The following GLG1 variants were observed in gnomAD, a reference collection of about 807,000 sequenced individuals.
GLG1 encodes the protein golgi glycoprotein 1.
In GLG1, 38 loss-of-function variants were observed where a neutral mutation model predicts 160.5. The observed-to-expected ratio is 0.24, with a 90% CI of 0.18 to 0.31. The LOEUF is 0.31. Ranked by LOEUF, GLG1 falls within the 10% of genes least tolerant of loss-of-function variation. The probability of loss-of-function intolerance (pLI) is 1.00; values close to 1 mark genes in which losing one functional copy is unlikely to be tolerated. For synonymous variants in GLG1, 644 were observed against 543.4 expected, an observed-to-expected ratio of 1.19 and a Z score of -2.57; for missense variants, 1,373 against 1,505.2, an observed-to-expected ratio of 0.91 and a Z score of 1.45.
chr16:74,590,947 T>TA (rs369425701), intron 1 of GLG1, among the ~76,000 whole-genome samples: 21,513 of 145,124 alleles, frequency 0.15, 1,728 homozygotes, highest in Non-Finnish European at 0.2. Flanking sequence ...CCTTTCTTGT[T>TA]AAAAAAAAAA....
At chr16:74,480,167 CAGA>C in intron 11 of GLG1, 71 bp downstream of exon 11, 3 of 1,235,602 alleles carry the variant, frequency 2.4e-6, no homozygotes, top group Non-Finnish European at 2.4e-6. Flanking sequence ...TGACTGAAAT[CAGA>C]AGAATATACA....
At position 74,452,324 on chromosome 16, in the gene GLG1, G is replaced by A; in HGVS notation, c.*843C>T. Reference sequence around the variant, plus strand: ...TCCTGTGCTGCCCTGGAGGAGGAAGGTTCCTGGGATCCTGCTGCCCCGGGA... The same window carrying A: ...TCCTGTGCTGCCCTGGAGGAGGAAGATTCCTGGGATCCTGCTGCCCCGGGA... On this transcript the variant is annotated 3_prime_UTR_variant, in exon 26 of 26. Transcript: ENST00000422840. 7.1e-7 allele frequency: 1 copy of A among 1,398,926 alleles called. No individual in the cohort carries two copies. The highest frequency in any genetic ancestry group is 9.3e-7 in the Non-Finnish European group (1 of 1,076,342). 86.7% of individuals were successfully genotyped at this position (1,398,926 alleles called of 1,614,324 possible).
At chr16:74,526,807 G>C (rs1341108186) in intron 2 of GLG1, among the ~76,000 whole-genome samples, 1 of 152,190 alleles carries the variant, frequency 6.6e-6, no homozygotes, top group Non-Finnish European at 1.5e-5. Flanking sequence ...AAGAGGAACA[G>C]AAGATGCTAC....
chr16:74,571,629 G>A (rs1050374023), intron 1 of GLG1, among the ~76,000 whole-genome samples: 2 of 150,144 alleles, frequency 1.3e-5, no homozygotes, highest in South Asian at 4.2e-4. Context: ...ACTCCAGCCT[G>A]GGCAACAGAG....
intron 2 of GLG1, among the ~76,000 whole-genome samples, chr16:74,525,391 T>TAAAGAGAC (rs891481837): frequency 6.6e-6 from 1 of 152,182 alleles, no homozygotes; most frequent in African/African-American, 2.4e-5. Flanking sequence ...GTTTGCTTTT[T>TAAAGAGAC]AAAGAGACAG....
At position 74,448,308 on chromosome 16, in the gene GLG1, C is replaced by G. The variant is rs1184026350; in HGVS notation, c.*4859G>C. ...CCCCACGCCCTCTAGGAACCAAAGTCTAGTGGAGAGGAGGCGAGTGGGGAG... is the reference window on the plus strand; with the variant it reads ...CCCCACGCCCTCTAGGAACCAAAGTGTAGTGGAGAGGAGGCGAGTGGGGAG... On this transcript the variant is annotated 3_prime_UTR_variant, in exon 26 of 26. Coordinates refer to ENST00000422840, the MANE Select transcript of GLG1 (RefSeq NM_001145667.2). 1 of 152,210 alleles carries G rather than the reference C, an allele frequency of 6.6e-6. No homozygotes were observed. The highest frequency in any genetic ancestry group is 6.6e-5 in the Admixed American group (1 of 15,262). 9.4% of individuals were successfully genotyped at this position (152,210 alleles called of 1,614,324 possible). A position where few individuals can be genotyped will look rare whatever the true frequency, so the allele number is the denominator to read the frequency against.
At chr16:74,577,700 A>G (rs2019043778) in intron 1 of GLG1, among the ~76,000 whole-genome samples, 1 of 151,976 alleles carries the variant, frequency 6.6e-6, no homozygotes, top group Non-Finnish European at 1.5e-5. Flanking sequence ...TGCAAGCTTG[A>G]TCTCTTGAGC....
intron 1 of GLG1, among the ~76,000 whole-genome samples, chr16:74,572,125 G>A (rs950025813): frequency 2.0e-5 from 3 of 152,156 alleles, no homozygotes; most frequent in Admixed American, 6.5e-5. Context: ...GGGACTTTCA[G>A]GCCCACCCCC....
At position 74,590,649 on chromosome 16, in the gene GLG1, C is replaced by G. The variant is rs534617302; in HGVS notation, c.438+16008G>C. Among the ~76,000 whole-genome samples, 7 of 147,894 alleles carry G rather than the reference C, an allele frequency of 4.7e-5. No homozygotes were observed. The East Asian group carries it at 1.4e-3, about 29-fold the overall frequency. On this transcript the variant is annotated intron_variant, in intron 1 of 25. Transcript: ENST00000422840. ...AAAAAAAAAAAAAAAAAGAAATTAG[C>G]CGGGCGTGGTGACACCACATGCTTG...
At chr16:74,511,071 A>G (rs1315720626) in intron 2 of GLG1, among the ~76,000 whole-genome samples, 1 of 152,222 alleles carries the variant, frequency 6.6e-6, no homozygotes, top group Non-Finnish European at 1.5e-5. Context: ...AGGAGCCTCA[A>G]GCCAGGCCAG....
chr16:74,457,594 AACTTC>A (rs1266618419), intron 24 of GLG1, among the ~76,000 whole-genome samples: 2 of 152,134 alleles, frequency 1.3e-5, no homozygotes, highest in East Asian at 1.9e-4. Flanking sequence ...TGATGACTTT[AACTTC>A]TGCTTCCCTA....
chr16:74,479,219 C>G (rs1394091770), intron 11 of GLG1, among the ~76,000 whole-genome samples: 2 of 118,306 alleles, frequency 1.7e-5, no homozygotes, highest in Non-Finnish European at 3.3e-5. Flanking sequence ...GAGACACATT[C>G]AAGAGTGAGG....
intron 1 of GLG1, among the ~76,000 whole-genome samples, chr16:74,541,918 A>G (rs1230360728): frequency 6.6e-6 from 1 of 151,472 alleles, no homozygotes; most frequent in African/African-American, 2.4e-5. Context: ...ATATACACAG[A>G]CACCTCAGAA....
At chr16:74,528,770 C>T (rs1371649037) in intron 2 of GLG1, among the ~76,000 whole-genome samples, 1 of 127,194 alleles carries the variant, frequency 7.9e-6, no homozygotes, top group East Asian at 2.3e-4. Context: ...CGAGATCACA[C>T]CATTGCACTG....
rs1443539967 is a variant in GLG1 at position 74,452,205 on chromosome 16, A to C, written c.*962T>G. 5 of 1,543,020 alleles carry C rather than the reference A, an allele frequency of 3.2e-6. No homozygotes were observed. Among genetic ancestry groups the C allele is most frequent in the African/African-American group, 1.4e-5 (1 of 73,164 alleles). Reference sequence around the variant, plus strand: ...CCCACTGCTCCCCACACCCATCTTCAAGGACCCCTCCCGCCACAGTCCTGC... The same window carrying C: ...CCCACTGCTCCCCACACCCATCTTCCAGGACCCCTCCCGCCACAGTCCTGC... On this transcript the variant is annotated 3_prime_UTR_variant, in exon 26 of 26. Transcript: ENST00000422840.
chr16:74,467,658 T>A lies in GLG1; in HGVS notation c.2529+98A>T, dbSNP rs1004116919. ...TCCTGTCTCACCAGCAAAAAATTCATGACTAAAATGTTACCTTATGGGCAC... is the reference window on the plus strand; with the variant it reads ...TCCTGTCTCACCAGCAAAAAATTCAAGACTAAAATGTTACCTTATGGGCAC... On this transcript the variant is annotated intron_variant, in intron 18 of 25. Transcript: ENST00000422840. 1.3e-5 allele frequency: 10 copies of A among 796,192 alleles called. No individual in the cohort carries two copies. In the African/African-American group the frequency reaches 1.7e-4, roughly 14 times the overall value. The allele number at this position is 796,192 out of a possible 1,614,324, so 49.3% of individuals were successfully genotyped here.
At position 74,477,491 on chromosome 16, in the gene GLG1, G is replaced by C. The variant is rs1169341148; in HGVS notation, c.1870C>G (p.Gln624Glu). ...CRAEVQRILHQRAMDVKLDPA... is the reference protein window; with the variant it reads ...CRAEVQRILHERAMDVKLDPA... Reference sequence around the variant, plus strand: ...TCCAGCTTGACATCCATGGCACGCTGGTGTAGGATCCTTTGGACTTCAGCT... The same window carrying C: ...TCCAGCTTGACATCCATGGCACGCTCGTGTAGGATCCTTTGGACTTCAGCT... Residue 624 changes from glutamine to glutamate, a missense_variant, in exon 12 of 26, where the codon CAG becomes GAG. Gln to Glu is a conservative substitution (Grantham distance 29). Transcript: ENST00000422840. 1.2e-6 allele frequency: 2 copies of C among 1,612,144 alleles called. No individual in the cohort carries two copies. Among genetic ancestry groups the C allele is most frequent in the African/African-American group, 1.3e-5 (1 of 74,892 alleles).
In GLG1 at chr16:74,480,266, T is replaced by C. The variant is rs1319061473; in HGVS notation, c.1802A>G (p.Tyr601Cys). The C allele has an allele frequency of 1.9e-6, 3 of 1,612,246 alleles. No individual in the cohort carries two copies. Among genetic ancestry groups the C allele is most frequent in the African/African-American group, 2.7e-5 (2 of 74,888 alleles). Residue 601 changes from tyrosine (Y) to cysteine (C), a missense_variant, in exon 11 of 26, where the codon TAC (tyrosine) becomes TGC (cysteine). This residue lies in a region of GLG1 where 386 missense variants were observed against 388.5 expected (regional missense o/e 0.99). Transcript: ENST00000422840. Reference protein sequence around the residue: ...AVFSCLYRHAYRTEEQGRRLS... With the variant: ...AVFSCLYRHACRTEEQGRRLS... ...CCTCCTTCCCTGTTCCTCAGTGCGGTAGGCGTGTCTGTATAAACAAGAGAA... is the reference window on the plus strand; with the variant it reads ...CCTCCTTCCCTGTTCCTCAGTGCGGCAGGCGTGTCTGTATAAACAAGAGAA...
In GLG1 at chr16:74,576,318, A is replaced by C. The variant is rs548832386; in HGVS notation, c.438+30339T>G. 1.2e-3 allele frequency among the ~76,000 whole-genome samples: 183 copies of C among 152,354 alleles called. 1 individual carries two copies. Among genetic ancestry groups the C allele is most frequent in the South Asian group, 9.1e-3 (44 of 4,830 alleles). ...ACAAATTCCGTGAATTTCTATAAAA[A>C]TGCAAGACATATAAAGAGAATACAG... is the stretch of plus-strand genomic sequence containing the variant. On this transcript the variant is annotated intron_variant, in intron 1 of 25. Transcript: ENST00000422840.
Sources: allele counts gnomAD v4.1 joint callset (sites outside exome capture counted in the v4.1 genomes callset), GRCh38; gene constraint gnomAD v4.1.1; regional missense constraint gnomAD v4.1.1; transcripts MANE v1.5; gene names NCBI Gene and HGNC (gene_info 2026-07-23, HGNC 2026-07-21).